SYMPK: variants seen among roughly 807,000 people sequenced by gnomAD.
SYMPK encodes symplekin.
In SYMPK, 49 loss-of-function variants were observed where a neutral mutation model predicts 136.4. That is an observed-to-expected ratio of 0.36 (90% CI 0.29 to 0.46). The LOEUF (loss-of-function observed/expected upper bound fraction) is 0.46. SYMPK is among the 20% of genes least tolerant of loss of function. The pLI, the probability that SYMPK is intolerant of heterozygous loss-of-function variation, is 1.00. For synonymous variants in SYMPK, 766 were observed against 713.0 expected, an observed-to-expected ratio of 1.07 and a Z score of -1.19; for missense variants, 1,365 against 1,690.0, an observed-to-expected ratio of 0.81 and a Z score of 3.37.
At chr19:45,853,697 C>T (rs1386027434) in intron 3 of SYMPK, among the ~76,000 whole-genome samples, 1 of 152,144 alleles carries the variant, frequency 6.6e-6, no homozygotes, top group Non-Finnish European at 1.5e-5. Context: ...GTTCAAAAGT[C>T]CTCCCTGACT....
chr19:45,822,037 C>T (rs952575869), intron 21 of SYMPK, among the ~76,000 whole-genome samples: 2 of 152,072 alleles, frequency 1.3e-5, no homozygotes, highest in Non-Finnish European at 2.9e-5. Context: ...AGACATCCTC[C>T]ATTTTTTCTC....
chr19:45,851,411 T>C (rs1971693934), intron 5 of SYMPK, among the ~76,000 whole-genome samples: 1 of 150,430 alleles, frequency 6.6e-6, no homozygotes, highest in Non-Finnish European at 1.5e-5. Context: ...ACCCCATCTC[T>C]ACTAAAAATA....
chr19:45,823,767 C>CT lies in SYMPK; in HGVS notation c.2598dup (p.Val867SerfsTer43). The CT allele has an allele frequency of 6.2e-7, 1 of 1,613,530 alleles. No homozygotes were observed. The highest frequency in any genetic ancestry group is 8.5e-7 in the Non-Finnish European group (1 of 1,179,494). On this transcript the variant is annotated frameshift_variant and splice_region_variant, in exon 19 of 27. Transcript: ENST00000245934. LOFTEE classifies it high-confidence loss of function. Reference sequence around the variant, plus strand: ...GAAAGGTGGGGGTCTCCAGGGTCACCTTTGTCTGTGAGGCTGTGCAGACAT... The same window carrying CT: ...GAAAGGTGGGGGTCTCCAGGGTCACCTTTTGTCTGTGAGGCTGTGCAGACAT...
chr19:45,827,511 T>C lies in SYMPK; in HGVS notation c.2180A>G (p.Lys727Arg). The C allele has an allele frequency of 6.2e-7, 1 of 1,612,360 alleles. No individual in the cohort carries two copies. Among genetic ancestry groups the C allele is most frequent in the Non-Finnish European group, 8.5e-7 (1 of 1,178,442 alleles). Reference protein sequence around the residue: ...LLDLSSHEKDKVRSQALLFIK... With the variant: ...LLDLSSHEKDRVRSQALLFIK... The stretch of plus-strand genomic sequence containing the variant: ...CCAGGAAGTGGAGGAGGGGATCACC[T>C]TGTCCTTCTCATGGGAGCTGAGGTC... The change falls in exon 16 of 27, where the codon AAG becomes AGG. Residue 727 changes from lysine (K) to arginine (R), a missense_variant and splice_region_variant. Lys to Arg is a conservative substitution (Grantham distance 26). Around this residue, in one of 11 missense-constraint regions of SYMPK, gnomAD observed 303 missense variants for 326.6 expected, o/e 0.93. Coordinates refer to ENST00000245934, the MANE Select transcript of SYMPK (RefSeq NM_004819.3).
At chr19:45,830,351 G>T in intron 12 of SYMPK, 147 bp from the exon 13 acceptor site, 2 of 913,548 alleles carry the variant, frequency 2.2e-6, no homozygotes, top group Non-Finnish European at 1.6e-6. Context: ...TGTCTCTGAG[G>T]CACGGTGTGG....
In SYMPK at chr19:45,829,727, C is replaced by T. The variant is rs1239609555; in HGVS notation, c.1749+327G>A. ...CAGAGAACCAGGTATATTTCTAAAG[C>T]TAAATAGTAACAGTAAGAACGTTAA... On this transcript the variant is annotated intron_variant, in intron 13 of 26. Coordinates refer to ENST00000245934, the MANE Select transcript of SYMPK (RefSeq NM_004819.3). Among the ~76,000 whole-genome samples the T allele has an allele frequency of 9.8e-5, 15 of 152,324 alleles. No homozygotes were observed. The East Asian group carries it at 2.9e-3, about 29-fold the overall frequency.
At chr19:45,827,340 T>A (rs918348137) in intron 16 of SYMPK, among the ~76,000 whole-genome samples, 170 bp downstream of exon 16, 1 of 92,622 alleles carries the variant, frequency 1.1e-5, no homozygotes, top group East Asian at 3.3e-4. Context: ...TTGATGCCAC[T>A]GAAAATGAAA....
chr19:45,841,934 T>A (rs1192377851), intron 9 of SYMPK, among the ~76,000 whole-genome samples: 1 of 152,002 alleles, frequency 6.6e-6, no homozygotes, highest in Non-Finnish European at 1.5e-5. Context: ...TTATTAAACG[T>A]ATATTTTGAT....
At chr19:45,834,160 C>T (rs922930266) in intron 11 of SYMPK, among the ~76,000 whole-genome samples, 5 of 151,974 alleles carry the variant, frequency 3.3e-5, no homozygotes, top group Admixed American at 2.6e-4. Context: ...TGGTGGCAGG[C>T]GCCTGTAGTC....
chr19:45,831,549 T>A lies in SYMPK; in HGVS notation c.1433A>T (p.Glu478Val). ...GCTCTCTGTCTTCACCACCTTCTCC[T>A]CCTTGGGCTCCTCCTTGCACTGTTT... ...QTKQCKEEPK[E>V]EKVVKTESVL... The change falls in exon 12 of 27, where the codon GAG becomes GTG. Residue 478 changes from glutamate to valine, a missense_variant. This residue lies in a region of SYMPK where 46 missense variants were observed against 63.9 expected (regional missense o/e 0.72). Coordinates refer to ENST00000245934, the MANE Select transcript of SYMPK (RefSeq NM_004819.3). The A allele has an allele frequency of 6.2e-7, 1 of 1,610,688 alleles. No individual in the cohort carries two copies. The highest frequency in any genetic ancestry group is 8.5e-7 in the Non-Finnish European group (1 of 1,178,800).
intron 11 of SYMPK, among the ~76,000 whole-genome samples, chr19:45,833,129 G>A (rs1451603489): frequency 6.6e-6 from 1 of 151,936 alleles, no homozygotes; most frequent in Non-Finnish European, 1.5e-5. Context: ...CTTGAATCCA[G>A]GAGACAGAGG....
Position 45,831,488 on chromosome 19 carries a change from T to G in SYMPK, c.1494A>C (p.Gln498His), listed in dbSNP as rs1971172766. 6.2e-7 allele frequency: 1 copy of G among 1,610,898 alleles called. No homozygotes were observed. Among genetic ancestry groups the G allele is most frequent in the Non-Finnish European group, 8.5e-7 (1 of 1,178,918 alleles). ...LIKRRLSAQG[Q>H]AISVVGSLSS... The stretch of plus-strand genomic sequence containing the variant: ...TCAGGGAACCCACCACCGAGATGGC[T>G]TGGCCCTGGGCTGACAGGCGCCGCT... Residue 498 changes from glutamine (Q) to histidine (H), a missense_variant, in exon 12 of 27, where the codon CAA becomes CAC. Physicochemically the swap from Gln to His is conservative, Grantham distance 24. Around this residue, in one of 11 missense-constraint regions of SYMPK, gnomAD observed 46 missense variants for 63.9 expected, o/e 0.72. Coordinates refer to ENST00000245934, the MANE Select transcript of SYMPK (RefSeq NM_004819.3).
At chr19:45,836,587 C>T (rs545846334) in intron 10 of SYMPK, among the ~76,000 whole-genome samples, 42 of 151,590 alleles carry the variant, frequency 2.8e-4, no homozygotes, top group Admixed American at 8.5e-4. Flanking sequence ...GCTGAGACTG[C>T]GCCACTACAC....
Position 45,815,726 on chromosome 19 carries a change from G to T in SYMPK, c.3688-29C>A, listed in dbSNP as rs1188391539. 6 of 1,604,440 alleles carry T rather than the reference G, an allele frequency of 3.7e-6. No homozygotes were observed. In the African/African-American group the frequency reaches 8.0e-5, roughly 21 times the overall value. ...GTGACCGGGGAAGGAAAGGGCAGCC[G>T]GGTGGAGGGCGCGGTCACCTCCACG... On this transcript the variant is annotated intron_variant, in intron 26 of 26. Transcript: ENST00000245934.
rs925973339 is a variant in SYMPK, at chr19:45,835,356, A to G, written c.1243-128T>C. ...ACTTGGGCCTGCTCTCCTGGGGCCC[A>G]GCCTCTTCTGGAAGTCACAGAGAAA... On this transcript the variant is annotated intron_variant, in intron 10 of 26. Coordinates refer to ENST00000245934, the MANE Select transcript of SYMPK (RefSeq NM_004819.3). 3.4e-5 allele frequency: 29 copies of G among 852,054 alleles called. No individual in the cohort carries two copies. The Middle Eastern group carries it at 1.0e-3, about 31-fold the overall frequency. 52.8% of individuals were successfully genotyped at this position (852,054 alleles called of 1,614,324 possible). A position where few individuals can be genotyped will look rare whatever the true frequency, so the allele number is the denominator to read the frequency against.
chr19:45,851,994 G>A (rs1971706335), intron 5 of SYMPK, among the ~76,000 whole-genome samples: 2 of 152,244 alleles, frequency 1.3e-5, no homozygotes, highest in South Asian at 4.1e-4. Context: ...CATCAGGTAG[G>A]AGGAAAGGGT....
chr19:45,855,238 T>C (rs1971795139), intron 1 of SYMPK: 1 of 152,224 alleles, frequency 6.6e-6, no homozygotes, highest in Non-Finnish European at 1.5e-5. Flanking sequence ...CGGCACATAG[T>C]AGGCACTCAA....
Position 45,847,912 on chromosome 19 carries a change from C to T in SYMPK, c.516G>A (p.Leu172=), listed in dbSNP as rs1336414965. The change falls in exon 7 of 27, where the codon TTG becomes TTA. Residue 172 remains leucine (L), a synonymous_variant. Coordinates refer to ENST00000245934, the MANE Select transcript of SYMPK (RefSeq NM_004819.3). ...TGCGGATGCCGTCATTGTCAGAGTC[C>T]AATAGCAGGATGATGTCCCCCGCCA... is the stretch of plus-strand genomic sequence containing the variant. ...SAMAGDIILL[L]DSDNDGIRTH... 6.2e-7 allele frequency: 1 copy of T among 1,613,538 alleles called. No homozygotes were observed.
At chr19:45,862,266 C>T (rs946739896) in intron 1 of SYMPK, among the ~76,000 whole-genome samples, 1 of 152,126 alleles carries the variant, frequency 6.6e-6, no homozygotes, top group Admixed American at 6.6e-5. Context: ...TAGCCTTTTG[C>T]TATGATGAAC....
Sources: gnomAD v4.1 joint callset for allele counts (sites outside exome capture counted in the v4.1 genomes callset) on GRCh38, gnomAD v4.1.1 for gene constraint, gnomAD v4.1.1 regional missense constraint, MANE v1.5 for transcripts, NCBI Gene and HGNC (gene_info 2026-07-23, HGNC 2026-07-21) for gene names.